SCGN: variants seen among roughly 807,000 people sequenced by gnomAD.
The protein encoded by SCGN is secretagogin, EF-hand calcium binding protein.
In SCGN, 30 loss-of-function variants were observed where a neutral mutation model predicts 39.7. The ratio of observed to expected loss-of-function variants is 0.76; its 90% confidence interval spans 0.57 to 1.03. The LOEUF is 1.03. Among genes scored for constraint, SCGN ranks in the 50% least tolerant of loss-of-function variants. The probability of loss-of-function intolerance (pLI) is 0.00; values close to 1 mark genes in which losing one functional copy is unlikely to be tolerated. For missense variants in SCGN, 353 were observed against 349.4 expected, an observed-to-expected ratio of 1.01 and a Z score of -0.08; for synonymous variants, 106 against 114.1, an observed-to-expected ratio of 0.93 and a Z score of 0.45.
At chr6:25,696,823 A>G (rs1759844003) in intron 10 of SCGN, among the ~76,000 whole-genome samples, 1 of 152,152 alleles carries the variant, frequency 6.6e-6, no homozygotes, top group African/African-American at 2.4e-5. Context: ...TGGTATATAT[A>G]CTATATGTTT....
chr6:25,692,310 TAG>T (rs2151382983), intron 10 of SCGN, among the ~76,000 whole-genome samples: 1 of 152,334 alleles, frequency 6.6e-6, no homozygotes, highest in South Asian at 2.1e-4. Flanking sequence ...TTTGCTAAAT[TAG>T]AGTTTTAATT....
At position 25,671,252 on chromosome 6, in the gene SCGN, A is replaced by G. The variant is rs186140175; in HGVS notation, c.471+1176A>G. Among the ~76,000 whole-genome samples the G allele has an allele frequency of 1.4e-3, 219 of 152,354 alleles. 2 individuals are homozygous for G. The highest frequency in any genetic ancestry group is 6.8e-3 in the Middle Eastern group (2 of 294). ...CTGATGACTAAGGCTTAGAAAGGGT[A>G]AGTGACTAAGTCACCACCAGGTTGC... On this transcript the variant is annotated intron_variant, in intron 6 of 10. Transcript: ENST00000377961.
At chr6:25,686,078 T>C (rs1337988924) in intron 7 of SCGN, among the ~76,000 whole-genome samples, 1 of 152,214 alleles carries the variant, frequency 6.6e-6, no homozygotes, top group Non-Finnish European at 1.5e-5. Context: ...TCCCTTTTTA[T>C]GGCTGAATAA....
chr6:25,700,942 C>A (rs940743514), intron 10 of SCGN, among the ~76,000 whole-genome samples: 1 of 152,154 alleles, frequency 6.6e-6, no homozygotes, highest in African/African-American at 2.4e-5. Flanking sequence ...GCTAATAAGG[C>A]AGTCTTTTTC....
At position 25,652,496 on chromosome 6, in the gene SCGN, C is replaced by A. The variant is rs753348607; in HGVS notation, c.82+11C>A. The A allele has an allele frequency of 1.8e-5, 29 of 1,612,408 alleles. No homozygotes were observed. The highest frequency in any genetic ancestry group is 6.7e-5 in the East Asian group (3 of 44,826). On this transcript the variant is annotated intron_variant, in intron 1 of 10. Transcript: ENST00000377961. The stretch of plus-strand genomic sequence containing the variant: ...GCTTTGATGCGGATGGTGAGTAGAA[C>A]AAGCCACTTGCACACTCAGGTGTAG...
intron 1 of SCGN, 25 bp downstream of exon 1, chr6:25,652,510 A>T: frequency 6.2e-7 from 1 of 1,608,302 alleles, no homozygotes; most frequent in South Asian, 1.1e-5. Flanking sequence ...CCACTTGCAC[A>T]CTCAGGTGTA....
At chr6:25,691,394 G>A (rs1299723646) in intron 10 of SCGN, among the ~76,000 whole-genome samples, 1 of 152,194 alleles carries the variant, frequency 6.6e-6, no homozygotes, top group Non-Finnish European at 1.5e-5. Flanking sequence ...CAGTGCCACT[G>A]AATATCTTTC....
At chr6:25,673,710 G>T (rs1759528760) in intron 6 of SCGN, among the ~76,000 whole-genome samples, 1 of 152,098 alleles carries the variant, frequency 6.6e-6, no homozygotes, top group African/African-American at 2.4e-5. Context: ...TACTCATTTT[G>T]GTTCTAAATT....
chr6:25,658,599 T>C (rs1220598888), intron 2 of SCGN, among the ~76,000 whole-genome samples: 1 of 152,238 alleles, frequency 6.6e-6, no homozygotes, highest in Admixed American at 6.5e-5. Flanking sequence ...AGAATAGCTA[T>C]ACATATAGAT....
chr6:25,697,688 G>T (rs1030016938), intron 10 of SCGN, among the ~76,000 whole-genome samples: 1 of 152,162 alleles, frequency 6.6e-6, no homozygotes, highest in Non-Finnish European at 1.5e-5. Context: ...GGAAGAGAAG[G>T]CCAGCCCCAA....
rs975046715 is a variant in SCGN at position 25,652,581 on chromosome 6, A to T, written c.82+96A>T. 5 of 1,173,244 alleles carry T rather than the reference A, an allele frequency of 4.3e-6. No individual in the cohort carries two copies. In the African/African-American group the frequency reaches 7.6e-5, roughly 18 times the overall value. 72.7% of individuals were successfully genotyped at this position (1,173,244 alleles called of 1,614,324 possible). On this transcript the variant is annotated intron_variant, in intron 1 of 10. Coordinates refer to ENST00000377961, the MANE Select transcript of SCGN (RefSeq NM_006998.4). ...GGAGTTTCCCCTTTACTGTAGGAAA[A>T]GTTATCGACCTGGGTTGTTAATGCA...
intron 10 of SCGN, among the ~76,000 whole-genome samples, chr6:25,694,882 T>C (rs1297787093): frequency 6.6e-6 from 1 of 152,190 alleles, no homozygotes; most frequent in Non-Finnish European, 1.5e-5. Context: ...ATTTTCATTT[T>C]ATAAAAAAGG....
chr6:25,681,989 T>A lies in SCGN; in HGVS notation c.510T>A (p.Asp170Glu). Residue 170 changes from aspartate (D) to glutamate (E), a missense_variant, in exon 7 of 11, where the codon GAT (aspartate) becomes GAA (glutamate). Asp to Glu is a conservative substitution (Grantham distance 45, BLOSUM62 2). Transcript: ENST00000377961. ...IFDRNKDGRLDLNDLARILAL... is the reference protein window; with the variant it reads ...IFDRNKDGRLELNDLARILAL... ...ACAGAAATAAAGATGGTCGGTTGGA[T>A]CTAAATGACTTAGCAAGGTGAGTTA... 1 of 1,613,370 alleles carries A rather than the reference T, an allele frequency of 6.2e-7. No homozygotes were observed. The highest frequency in any genetic ancestry group is 8.5e-7 in the Non-Finnish European group (1 of 1,179,306).
intron 8 of SCGN, 95 bp downstream of exon 8, chr6:25,689,312 A>G (rs1412544317): frequency 2.6e-6 from 3 of 1,150,344 alleles, no homozygotes; most frequent in South Asian, 1.3e-5. Context: ...TATTTGCCCT[A>G]CTTTTTAACT....
intron 9 of SCGN, 106 bp downstream of exon 9, chr6:25,689,638 T>G: frequency 2.3e-6 from 2 of 857,036 alleles, no homozygotes; most frequent in Non-Finnish European, 3.9e-6. Context: ...ACATGATGAA[T>G]ACCAATCCCA....
chr6:25,670,181 C>A (rs1759476685), intron 6 of SCGN, 105 bp downstream of exon 6: 2 of 818,322 alleles, frequency 2.4e-6, no homozygotes, highest in South Asian at 1.5e-5. Flanking sequence ...AAATTGAAGA[C>A]TAAATGAATG....
At chr6:25,699,727 T>C (rs1759884874) in intron 10 of SCGN, among the ~76,000 whole-genome samples, 1 of 152,106 alleles carries the variant, frequency 6.6e-6, no homozygotes, top group African/African-American at 2.4e-5. Context: ...GTTAGTTCTG[T>C]TTGTGCAAAT....
chr6:25,669,703 A>G (rs1759464634), intron 5 of SCGN, 136 bp downstream of exon 5: 1 of 697,966 alleles, frequency 1.4e-6, no homozygotes, highest in Non-Finnish European at 2.5e-6. Context: ...ATATGTACAT[A>G]TATGTATATA....
intron 6 of SCGN, among the ~76,000 whole-genome samples, chr6:25,677,292 GT>G (rs1429630026): frequency 6.6e-6 from 1 of 151,888 alleles, no homozygotes; most frequent in African/African-American, 2.4e-5. Context: ...AATCTTATTT[GT>G]TTACCTATAA....
Sources: gnomAD v4.1 joint callset for allele counts (sites outside exome capture counted in the v4.1 genomes callset) on GRCh38, gnomAD v4.1.1 for gene constraint, MANE v1.5 for transcripts, NCBI Gene and HGNC (gene_info 2026-07-23, HGNC 2026-07-21) for gene names.